ARHGAP29: variants seen among roughly 807,000 people sequenced by gnomAD.
The protein encoded by ARHGAP29 is rho GTPase-activating protein 29.
A neutral mutation model predicts 122.6 loss-of-function variants in ARHGAP29; 43 were observed. The ratio of observed to expected loss-of-function variants is 0.35; its 90% CI spans 0.27 to 0.45. The LOEUF (loss-of-function observed/expected upper bound fraction) is 0.45, where lower values mean the gene tolerates loss of function less well. Among genes scored for constraint, ARHGAP29 ranks in the 20% least tolerant of loss-of-function variants. ARHGAP29 has a pLI of 1.00. For synonymous variants in ARHGAP29, 506 were observed against 497.1 expected, an observed-to-expected ratio of 1.02 and a Z score of -0.24; for missense variants, 1,303 against 1,477.2, an observed-to-expected ratio of 0.88 and a Z score of 1.93.
rs1191790670 is a variant in ARHGAP29, at chr1:94,170,281, T to C, written c.*3588A>G. Among the ~76,000 whole-genome samples the C allele has an allele frequency of 6.6e-6, 1 of 152,226 alleles. No individual in the cohort carries two copies. The highest frequency in any genetic ancestry group is 1.9e-4 in the East Asian group (1 of 5,204). On this transcript the variant is annotated 3_prime_UTR_variant, in exon 23 of 23. Transcript: ENST00000260526. ...CATCCTGGCATGACACATTTGAGTATAGAGCATCATTTCTGTAGTATTGGA... is the reference window on the plus strand; with the variant it reads ...CATCCTGGCATGACACATTTGAGTACAGAGCATCATTTCTGTAGTATTGGA...
chr1:94,229,519 T>A (rs977055301), intron 2 of ARHGAP29, among the ~76,000 whole-genome samples: 11 of 151,716 alleles, frequency 7.3e-5, no homozygotes, highest in Admixed American at 7.2e-4. Context: ...AGACAAAAAA[T>A]CAACCCAAAG....
chr1:94,272,387 A>T (rs1330896986), intron 1 of ARHGAP29, among the ~76,000 whole-genome samples: 2 of 152,124 alleles, frequency 1.3e-5, no homozygotes, highest in African/African-American at 4.8e-5. Flanking sequence ...GGAGAAGGGG[A>T]TCTGTGAGGT....
intron 1 of ARHGAP29, among the ~76,000 whole-genome samples, chr1:94,267,051 AT>A (rs1168394016): frequency 6.6e-6 from 1 of 152,092 alleles, no homozygotes; most frequent in Non-Finnish European, 1.5e-5. Context: ...CTTCCTCAGG[AT>A]TTTGCTCATC....
the ARHGAP29 span, among the ~76,000 whole-genome samples, chr1:94,300,490 C>T: frequency 6.6e-6 from 1 of 152,132 alleles, no homozygotes; most frequent in African/African-American, 2.4e-5. Context: ...TCTGACCTGA[C>T]CTTAGCTTGA....
At chr1:94,313,849 A>G in the ARHGAP29 span, among the ~76,000 whole-genome samples, 1 of 152,336 alleles carries the variant, frequency 6.6e-6, no homozygotes, top group African/African-American at 2.4e-5. Context: ...GCTGGAAACC[A>G]TCATTCTCAA....
At chr1:94,196,955 AGCTT>A (rs1408324327) in intron 12 of ARHGAP29, among the ~76,000 whole-genome samples, 1 of 152,210 alleles carries the variant, frequency 6.6e-6, no homozygotes, top group Non-Finnish European at 1.5e-5. Context: ...AAACAACATA[AGCTT>A]GTGCTTTAAG....
chr1:94,194,268 C>G (rs552274924), intron 12 of ARHGAP29: 1 of 152,284 alleles, frequency 6.6e-6, no homozygotes, highest in African/African-American at 2.4e-5. Context: ...CAGTTCATTA[C>G]TACACTTTCA....
the ARHGAP29 span, among the ~76,000 whole-genome samples, chr1:94,289,964 T>C: frequency 6.6e-6 from 1 of 152,192 alleles, no homozygotes; most frequent in African/African-American, 2.4e-5. Flanking sequence ...TTTTTCATTG[T>C]GTCTCTGCCA....
chr1:94,268,327 G>A (rs550521006), intron 1 of ARHGAP29, among the ~76,000 whole-genome samples: 1 of 151,912 alleles, frequency 6.6e-6, no homozygotes, highest in East Asian at 1.9e-4. Flanking sequence ...ATCCTATTCT[G>A]CAAGCTTCTA....
intron 3 of ARHGAP29, among the ~76,000 whole-genome samples, chr1:94,217,951 G>A (rs1455064045): frequency 2.6e-5 from 4 of 152,032 alleles, no homozygotes; most frequent in Non-Finnish European, 5.9e-5. Context: ...TTCTGAAATA[G>A]CTACTACTGT....
At chr1:94,312,820 C>T in the ARHGAP29 span, among the ~76,000 whole-genome samples, 2 of 151,236 alleles carry the variant, frequency 1.3e-5, no homozygotes, top group Admixed American at 6.6e-5. Flanking sequence ...CAGTGACTAC[C>T]CCTTCTCAAT....
chr1:94,199,170 A>G (rs1268053906), intron 12 of ARHGAP29, among the ~76,000 whole-genome samples: 3 of 152,162 alleles, frequency 2.0e-5, no homozygotes, highest in African/African-American at 7.2e-5. Flanking sequence ...CAGCAAACCA[A>G]CATGGCACAT....
chr1:94,211,741 ATTTT>A (rs947724021), intron 3 of ARHGAP29, among the ~76,000 whole-genome samples: 10 of 152,214 alleles, frequency 6.6e-5, no homozygotes, highest in East Asian at 1.9e-4. Context: ...ACACACTTTT[ATTTT>A]TTTATTTTTA....
chr1:94,253,642 ACGC>A (rs1654206103), intron 1 of ARHGAP29, among the ~76,000 whole-genome samples: 1 of 149,900 alleles, frequency 6.7e-6, no homozygotes, highest in African/African-American at 2.5e-5. Context: ...ACACACACGC[ACGC>A]ACGCACGCAC....
chr1:94,294,518 G>A, the ARHGAP29 span, among the ~76,000 whole-genome samples: 1 of 152,086 alleles, frequency 6.6e-6, no homozygotes, highest in South Asian at 2.1e-4. Context: ...GCACTCCTGG[G>A]CTCAAGTGAG....
chr1:94,286,024 G>A, the ARHGAP29 span, among the ~76,000 whole-genome samples: 1 of 152,064 alleles, frequency 6.6e-6, no homozygotes, highest in Non-Finnish European at 1.5e-5. Flanking sequence ...AGTCAGCGTG[G>A]GCTTCCCTAA....
intron 1 of ARHGAP29, among the ~76,000 whole-genome samples, chr1:94,263,758 T>C (rs764730245): frequency 6.6e-6 from 1 of 152,216 alleles, no homozygotes; most frequent in African/African-American, 2.4e-5. Flanking sequence ...TTTCACAAAA[T>C]TGAAATTATT....
At chr1:94,297,349 A>T in the ARHGAP29 span, among the ~76,000 whole-genome samples, 184 of 152,312 alleles carry the variant, frequency 1.2e-3, no homozygotes, top group African/African-American at 4.2e-3. Context: ...TTAATATTTT[A>T]TGTAATGGCT....
rs1002985679 is a variant in ARHGAP29 at position 94,173,004 on chromosome 1, C to G, written c.*865G>C. The G allele has an allele frequency of 6.6e-6, 1 of 152,420 alleles. No homozygotes were observed. The highest frequency in any genetic ancestry group is 1.5e-5 in the Non-Finnish European group (1 of 67,974). The allele number at this position is 152,420 out of a possible 1,614,324, so 9.4% of individuals were successfully genotyped here. A position where few individuals can be genotyped will look rare whatever the true frequency, so the allele number is the denominator to read the frequency against. On this transcript the variant is annotated 3_prime_UTR_variant, in exon 23 of 23. Transcript: ENST00000260526. ...ACAAAAGGAATGGTTTTAACCCAGA[C>G]AAATCAAGAGGAAATGCACTGAATT...
Sources: gnomAD v4.1 joint callset for allele counts (sites outside exome capture counted in the v4.1 genomes callset) on GRCh38, gnomAD v4.1.1 for gene constraint, MANE v1.5 for transcripts, NCBI Gene and HGNC (gene_info 2026-07-23, HGNC 2026-07-21) for gene names.